The following ARAP2 variants were observed in gnomAD, a reference collection of about 807,000 sequenced individuals.
ARAP2 encodes the protein arf-GAP with Rho-GAP domain, ANK repeat and PH domain-containing protein 2.
In ARAP2, 148 loss-of-function variants were observed where a neutral mutation model predicts 194.5. The ratio of observed to expected loss-of-function variants is 0.76; its 90% CI spans 0.67 to 0.87. ARAP2 has a LOEUF of 0.87. Among genes scored for constraint, ARAP2 ranks in the 40% least tolerant of loss-of-function variants. The pLI is 0.00. For missense variants in ARAP2, 2,128 were observed against 1,989.7 expected, an observed-to-expected ratio of 1.07 and a Z score of -1.32; for synonymous variants, 695 against 683.5, an observed-to-expected ratio of 1.02 and a Z score of -0.26.
intron 20 of ARAP2, among the ~76,000 whole-genome samples, chr4:36,132,183 T>A (rs931406426): frequency 6.6e-6 from 1 of 151,768 alleles, no homozygotes; most frequent in Non-Finnish European, 1.5e-5. Context: ...CTAGAAGATA[T>A]GATTCATAGC....
At chr4:36,055,727 C>G (rs1723397573) in intron 2 of ARAP2, among the ~76,000 whole-genome samples, 1 of 152,050 alleles carries the variant, frequency 6.6e-6, no homozygotes, top group African/African-American at 2.4e-5. Context: ...CCATGACAAG[C>G]TAATTTTTGT....
chr4:36,151,822 G>A (rs1443157883), intron 15 of ARAP2, among the ~76,000 whole-genome samples: 1 of 151,676 alleles, frequency 6.6e-6, no homozygotes, highest in Non-Finnish European at 1.5e-5. Flanking sequence ...TTATACATAG[G>A]CATATATATA....
chr4:36,152,657 C>T (rs1215733940), intron 15 of ARAP2, among the ~76,000 whole-genome samples: 1 of 135,472 alleles, frequency 7.4e-6, no homozygotes, highest in East Asian at 2.2e-4. Flanking sequence ...TAAGCCCCCC[C>T]ACCATACTGA....
In ARAP2 at chr4:36,199,600, CT is replaced by C. The variant is rs757999416; in HGVS notation, c.1488-5954del. On this transcript the variant is annotated intron_variant, in intron 6 of 32. Coordinates refer to ENST00000303965, the MANE Select transcript of ARAP2 (RefSeq NM_015230.4). Reference sequence around the variant, plus strand: ...CCACCACGCCTGACCAAATTAAAAACTTTTTAACCAACATCTCACCCTTAAC... The same window carrying C: ...CCACCACGCCTGACCAAATTAAAAACTTTTAACCAACATCTCACCCTTAAC... Among the ~76,000 whole-genome samples, 698 of 152,226 alleles carry C rather than the reference CT, an allele frequency of 4.6e-3. 2 individuals carry two copies. The highest frequency in any genetic ancestry group is 6.2e-3 in the Non-Finnish European group (423 of 67,990).
chr4:36,214,667 A>G (rs1462991579), intron 2 of ARAP2, among the ~76,000 whole-genome samples, 187 bp from the exon 3 acceptor site: 10 of 152,220 alleles, frequency 6.6e-5, no homozygotes, highest in African/African-American at 2.4e-4. Flanking sequence ...CTGACTTGAA[A>G]AAAGCTGAAC....
chr4:36,115,024 A>T (rs954857581), intron 25 of ARAP2, among the ~76,000 whole-genome samples: 2 of 152,022 alleles, frequency 1.3e-5, no homozygotes, highest in Admixed American at 1.3e-4. Flanking sequence ...TGATGTTTTA[A>T]ACATTATAAT....
chr4:36,029,012 T>C (rs80114151), intron 5 of ARAP2, among the ~76,000 whole-genome samples: 2,850 of 152,092 alleles, frequency 0.019, 42 homozygotes, highest in South Asian at 0.038. Flanking sequence ...GAATATATAA[T>C]CAATTTTTGT....
chr4:36,140,130 CA>C (rs763318430), intron 19 of ARAP2, among the ~76,000 whole-genome samples: 253 of 96,882 alleles, frequency 2.6e-3, no homozygotes, highest in Admixed American at 8.8e-3. Context: ...AAAAACAAAA[CA>C]AAAACAATAC....
intron 15 of ARAP2, among the ~76,000 whole-genome samples, chr4:36,151,277 C>T (rs1730908422): frequency 6.6e-6 from 1 of 152,024 alleles, no homozygotes; most frequent in Non-Finnish European, 1.5e-5. Flanking sequence ...ATGACTGTGA[C>T]ATTGATAACC....
At chr4:36,097,950 C>T (rs550055953) in intron 27 of ARAP2, among the ~76,000 whole-genome samples, 2 of 151,930 alleles carry the variant, frequency 1.3e-5, no homozygotes, top group Admixed American at 1.3e-4. Context: ...TTTAGAAAAG[C>T]TCTTTAAAAG....
chr4:36,199,213 A>G (rs114087630), intron 6 of ARAP2, among the ~76,000 whole-genome samples: 1,663 of 152,364 alleles, frequency 0.011, 22 homozygotes, highest in African/African-American at 0.038. Flanking sequence ...TGTTATTAAA[A>G]AATGAATAAA....
intron 19 of ARAP2, among the ~76,000 whole-genome samples, chr4:36,136,126 G>A (rs1232283195): frequency 6.6e-6 from 1 of 151,782 alleles, no homozygotes; most frequent in Non-Finnish European, 1.5e-5. Context: ...CCTCTCTGAT[G>A]CTTACCTAAA....
chr4:36,235,139 CCAT>C (rs1272689440), intron 1 of ARAP2, among the ~76,000 whole-genome samples: 2 of 152,184 alleles, frequency 1.3e-5, no homozygotes, highest in African/African-American at 4.8e-5. Flanking sequence ...GCCTAAGCCA[CCAT>C]CATATCTCTC....
At chr4:36,216,781 A>G (rs1406780018) in intron 2 of ARAP2, among the ~76,000 whole-genome samples, 5 of 152,208 alleles carry the variant, frequency 3.3e-5, no homozygotes, top group African/African-American at 1.2e-4. Context: ...CTCAAAAATC[A>G]TCATGCTGAG....
At chr4:36,065,702 TG>T (rs1725290597), downstream of ARAP2, 1 of 159,752 alleles carries the variant, frequency 6.3e-6, no homozygotes, top group Non-Finnish European at 1.4e-5. Flanking sequence ...CTTCTCATGG[TG>T]TGGCAAGGCT....
At chr4:36,071,199 T>C (rs758976392) in intron 32 of ARAP2, among the ~76,000 whole-genome samples, 2 of 152,238 alleles carry the variant, frequency 1.3e-5, no homozygotes, top group Non-Finnish European at 2.9e-5. Flanking sequence ...GTTAAAGATA[T>C]GCTAGTCATT....
chr4:36,171,281 C>A (rs1736562859), intron 9 of ARAP2, among the ~76,000 whole-genome samples: 1 of 151,116 alleles, frequency 6.6e-6, no homozygotes, highest in African/African-American at 2.5e-5. Flanking sequence ...AAATGTCCAA[C>A]AACGATAGAC....
At chr4:36,230,334 T>G (rs544546336) in intron 1 of ARAP2, among the ~76,000 whole-genome samples, 1 of 152,364 alleles carries the variant, frequency 6.6e-6, no homozygotes, top group Non-Finnish European at 1.5e-5. Context: ...CAACTTTCCC[T>G]TTCACTGCAT....
chr4:36,108,134 G>A (rs536416342), intron 26 of ARAP2, among the ~76,000 whole-genome samples: 196 of 151,890 alleles, frequency 1.3e-3, no homozygotes, highest in African/African-American at 4.5e-3. Context: ...CTGAGCTCAG[G>A]CTACCCTCCC....
Sources: allele counts gnomAD v4.1 joint callset (sites outside exome capture counted in the v4.1 genomes callset), GRCh38; gene constraint gnomAD v4.1.1; transcripts MANE v1.5; gene names NCBI Gene and HGNC (gene_info 2026-07-23, HGNC 2026-07-21).